RBPJ: variants seen among roughly 807,000 people sequenced by gnomAD.
RBPJ encodes the protein recombining binding protein suppressor of hairless.
In RBPJ, 9 loss-of-function variants were observed where a neutral mutation model predicts 67.8. That is an observed-to-expected ratio of 0.13 (90% CI 0.08 to 0.23). RBPJ has a LOEUF of 0.23. Among genes scored for constraint, RBPJ ranks in the 10% least tolerant of loss-of-function variants. RBPJ has a pLI of 1.00. For synonymous variants in RBPJ, 198 were observed against 203.3 expected, an observed-to-expected ratio of 0.97 and a Z score of 0.22; for missense variants, 305 against 595.6, an observed-to-expected ratio of 0.51 and a Z score of 5.08.
At chr4:26,215,227 A>ATGGGGAGGGGG (rs1423960402) in intron 1 of RBPJ, among the ~76,000 whole-genome samples, 1 of 47,246 alleles carries the variant, frequency 2.1e-5, no homozygotes, top group Non-Finnish European at 3.8e-5. Context: ...AAAAAGAGAG[A>ATGGGGAGGGGG]AAAGAGAGAA....
At chr4:26,375,226 T>C (rs934680519) in intron 1 of RBPJ, among the ~76,000 whole-genome samples, 4 of 149,178 alleles carry the variant, frequency 2.7e-5, no homozygotes, top group African/African-American at 9.9e-5. Flanking sequence ...CCTGTGGAGG[T>C]TGCAGTGAGC....
the RBPJ span, among the ~76,000 whole-genome samples, chr4:26,115,780 G>A: frequency 6.6e-6 from 1 of 152,152 alleles, no homozygotes; most frequent in African/African-American, 2.4e-5. Flanking sequence ...CTTCAGTAAA[G>A]AAGAGCGAAA....
intron 1 of RBPJ, among the ~76,000 whole-genome samples, chr4:26,257,623 C>A (rs1477421977): frequency 6.6e-6 from 1 of 152,170 alleles, no homozygotes; most frequent in Non-Finnish European, 1.5e-5. Flanking sequence ...GAGTGAAACT[C>A]TGTCTCAAAA....
At chr4:26,337,539 T>C (rs991115338) in intron 1 of RBPJ, among the ~76,000 whole-genome samples, 3 of 152,090 alleles carry the variant, frequency 2.0e-5, no homozygotes, top group African/African-American at 7.2e-5. Context: ...TTTTTTTTTT[T>C]TTATACTGCT....
intron 1 of RBPJ, among the ~76,000 whole-genome samples, chr4:26,165,100 G>A (rs1317340873): frequency 6.6e-6 from 1 of 152,134 alleles, no homozygotes; most frequent in Non-Finnish European, 1.5e-5. Context: ...AATGAAAAGG[G>A]CACTGCTCTT....
At chr4:26,353,981 A>C (rs984404574) in intron 1 of RBPJ, among the ~76,000 whole-genome samples, 2 of 126,798 alleles carry the variant, frequency 1.6e-5, no homozygotes, top group Non-Finnish European at 3.4e-5. Context: ...CCCAGGCTGG[A>C]GTGCAGTGGC....
chr4:26,343,166 G>T (rs894311572), intron 1 of RBPJ: 26 of 152,162 alleles, frequency 1.7e-4, no homozygotes, highest in African/African-American at 4.8e-4. Flanking sequence ...ATCCCTAAGG[G>T]TGACTGTTTT....
intron 1 of RBPJ, among the ~76,000 whole-genome samples, chr4:26,234,817 T>C (rs1011930299): frequency 3.9e-5 from 6 of 151,976 alleles, no homozygotes; most frequent in Non-Finnish European, 8.8e-5. Context: ...CTCAGCCTCC[T>C]AAGTAGCTGG....
At chr4:26,156,727 T>C in the RBPJ span, among the ~76,000 whole-genome samples, 1 of 152,008 alleles carries the variant, frequency 6.6e-6, no homozygotes, top group Non-Finnish European at 1.5e-5. Flanking sequence ...AGTGCTGGGA[T>C]TACAGACATG....
chr4:26,291,996 C>T (rs4256214), intron 1 of RBPJ, among the ~76,000 whole-genome samples: 93,857 of 150,330 alleles, frequency 0.62, 31,181 homozygotes, highest in African/African-American at 0.71. Flanking sequence ...GATATATGTA[C>T]ATATTGTGAA....
Position 26,430,940 on chromosome 4 carries a change from G to C in RBPJ, c.1397G>C (p.Gly466Ala). ...PPNESNTNSE[G>A]SYTNASTNST... ...AACGAATCAAACACAAACAGCGAGGGAAGTTACACAAACGCCAGCACAAAT... is the reference window on the plus strand; with the variant it reads ...AACGAATCAAACACAAACAGCGAGGCAAGTTACACAAACGCCAGCACAAAT... The change falls in exon 11 of 11, where the codon GGA becomes GCA. Residue 466 changes from glycine to alanine, a missense_variant. Around this residue, in one of 7 missense-constraint regions of RBPJ, gnomAD observed 51 missense variants for 52.8 expected, o/e 0.97. Coordinates refer to ENST00000355476, the MANE Select transcript of RBPJ (RefSeq NM_015874.6). This position sits in a 1 kb window ranked among gnomAD's most constrained non-coding sequence, Gnocchi z 4.1. 2 of 1,613,966 alleles carry C rather than the reference G, an allele frequency of 1.2e-6. No homozygotes were observed. The highest frequency in any genetic ancestry group is 1.7e-6 in the Non-Finnish European group (2 of 1,179,978).
chr4:26,127,778 C>T, the RBPJ span, among the ~76,000 whole-genome samples: 1 of 152,170 alleles, frequency 6.6e-6, no homozygotes, highest in Non-Finnish European at 1.5e-5. Flanking sequence ...TAGAGGGAAA[C>T]ATATGTACAC....
At chr4:26,229,157 A>T (rs1025225080) in intron 1 of RBPJ, among the ~76,000 whole-genome samples, 1 of 152,224 alleles carries the variant, frequency 6.6e-6, no homozygotes, top group African/African-American at 2.4e-5. Context: ...CCTAAAGGAG[A>T]TTTAATAAAC....
chr4:26,392,911 G>T (rs770354604), intron 2 of RBPJ, among the ~76,000 whole-genome samples: 9 of 152,144 alleles, frequency 5.9e-5, no homozygotes, highest in Non-Finnish European at 1.3e-4. Flanking sequence ...GGTAAATTAA[G>T]GTAAGTTTTG....
intron 4 of RBPJ, among the ~76,000 whole-genome samples, chr4:26,419,723 C>A (rs1169009133): frequency 1.3e-5 from 2 of 152,110 alleles, no homozygotes; most frequent in Non-Finnish European, 2.9e-5. Context: ...CTCCCTGATT[C>A]ACAGGGATCA....
chr4:26,233,467 G>T (rs776285334), intron 1 of RBPJ, among the ~76,000 whole-genome samples: 13 of 152,190 alleles, frequency 8.5e-5, no homozygotes, highest in Non-Finnish European at 1.6e-4. Context: ...TGATTCCCCA[G>T]TCTCTTCAGT....
chr4:26,255,206 C>T (rs1213557921), intron 1 of RBPJ, among the ~76,000 whole-genome samples: 1 of 141,406 alleles, frequency 7.1e-6, no homozygotes, highest in African/African-American at 2.7e-5. Flanking sequence ...AGATCGGGAC[C>T]ATCCTGGCTA....
the RBPJ span, among the ~76,000 whole-genome samples, chr4:26,146,671 T>G: frequency 6.6e-6 from 1 of 152,072 alleles, no homozygotes; most frequent in Non-Finnish European, 1.5e-5. Context: ...CTTTGAGGAG[T>G]ATGAGGGGCC....
chr4:26,306,276 C>T (rs1722235832), intron 1 of RBPJ, among the ~76,000 whole-genome samples: 1 of 151,998 alleles, frequency 6.6e-6, no homozygotes, highest in Non-Finnish European at 1.5e-5. Flanking sequence ...TTGTTTCATT[C>T]TTACGATGTT....
Sources: allele counts gnomAD v4.1 joint callset (sites outside exome capture counted in the v4.1 genomes callset), GRCh38; gene constraint gnomAD v4.1.1; regional missense constraint gnomAD v4.1.1; non-coding constraint Gnocchi (gnomAD v3.1); transcripts MANE v1.5; gene names NCBI Gene and HGNC (gene_info 2026-07-23, HGNC 2026-07-21).